SGCZ: variants seen among roughly 807,000 people sequenced by gnomAD.
SGCZ encodes the protein sarcoglycan zeta.
A neutral mutation model predicts 41.3 loss-of-function variants in SGCZ; 40 were observed. That is an observed-to-expected ratio of 0.97 (90% CI 0.75 to 1.26). SGCZ has a LOEUF of 1.26. Ranked by LOEUF, SGCZ falls within the 50% of genes most tolerant of loss-of-function variation. The pLI is 0.00. For synonymous variants in SGCZ, 206 were observed against 137.5 expected (o/e 1.50, Z -3.49); for missense variants, 552 against 369.8 (o/e 1.49, Z -4.04).
intron 1 of SGCZ, among the ~76,000 whole-genome samples, chr8:14,611,007 T>G (rs191746736): frequency 2.6e-5 from 4 of 152,300 alleles, no homozygotes; most frequent in Admixed American, 2.6e-4. Context: ...TGACTTAAAT[T>G]TATTTTTTCA....
chr8:14,738,412 A>C (rs2130267342), intron 1 of SGCZ, among the ~76,000 whole-genome samples: 1 of 152,254 alleles, frequency 6.6e-6, no homozygotes, highest in Non-Finnish European at 1.5e-5. Context: ...TTTAAAAAGT[A>C]AATGATATAA....
At chr8:14,314,274 T>C (rs1330400858) in intron 3 of SGCZ, among the ~76,000 whole-genome samples, 1 of 143,418 alleles carries the variant, frequency 7.0e-6, no homozygotes, top group Non-Finnish European at 1.6e-5. Flanking sequence ...GAGGGTCTTC[T>C]ATCATAGTAT....
rs145768724 is a variant in SGCZ, at chr8:14,363,517, CTTTCT to C, written c.235-39318_235-39314del. On this transcript the variant is annotated intron_variant, in intron 2 of 7. Coordinates refer to ENST00000382080, the MANE Select transcript of SGCZ (RefSeq NM_139167.4). Reference sequence around the variant, plus strand: ...AAGGGTATTTGCATCCAGATGGTATCTTTCTTTTCTTTTCTTCTTCTTTTTTTTTC... The same window carrying C: ...AAGGGTATTTGCATCCAGATGGTATCTTTCTTTTCTTCTTCTTTTTTTTTC... 7.1e-3 allele frequency among the ~76,000 whole-genome samples: 1,080 copies of C among 152,186 alleles called. 20 individuals are homozygous for C. Among genetic ancestry groups the C allele is most frequent in the African/African-American group, 0.025 (1,036 of 41,512 alleles).
intron 2 of SGCZ, among the ~76,000 whole-genome samples, chr8:14,542,413 A>T (rs937729992): frequency 6.6e-6 from 1 of 152,140 alleles, no homozygotes; most frequent in African/African-American, 2.4e-5. Flanking sequence ...TCTTTTATTC[A>T]CTAATGACTA....
At position 14,134,073 on chromosome 8, in the gene SGCZ, C is replaced by T. The variant is rs141711379; in HGVS notation, c.548-25838G>A. Among the ~76,000 whole-genome samples the T allele has an allele frequency of 5.6e-3, 846 of 152,264 alleles. 6 individuals carry two copies. The highest frequency in any genetic ancestry group is 0.019 in the African/African-American group (805 of 41,548). On this transcript the variant is annotated intron_variant, in intron 5 of 7. Transcript: ENST00000382080. ...TATGATGTATAAAAATGTTATTTCA[C>T]ATGTGTGAGGTACAGCTACAGGTTA...
intron 2 of SGCZ, among the ~76,000 whole-genome samples, chr8:14,433,839 A>G (rs1444232869): frequency 6.6e-6 from 1 of 152,192 alleles, no homozygotes; most frequent in South Asian, 2.1e-4. Context: ...CACTGGATTC[A>G]TCAAATGAAT....
chr8:14,471,075 T>C (rs980025992), intron 2 of SGCZ, among the ~76,000 whole-genome samples: 1 of 152,166 alleles, frequency 6.6e-6, no homozygotes, highest in African/African-American at 2.4e-5. Flanking sequence ...CCAGACACTT[T>C]AATTACATCT....
intron 2 of SGCZ, among the ~76,000 whole-genome samples, chr8:14,334,422 T>C (rs1476706840): frequency 6.6e-6 from 1 of 152,106 alleles, no homozygotes; most frequent in East Asian, 1.9e-4. Context: ...TGCACCTAGT[T>C]AGCTACTCAT....
chr8:15,115,586 T>C (rs373877983), intron 1 of SGCZ, among the ~76,000 whole-genome samples: 104 of 152,320 alleles, frequency 6.8e-4, no homozygotes, highest in Non-Finnish European at 1.3e-3. Flanking sequence ...TCAAGACAAA[T>C]ATGGGCTGTA....
chr8:15,206,281 T>C (rs1410701695), intron 1 of SGCZ, among the ~76,000 whole-genome samples: 4 of 152,176 alleles, frequency 2.6e-5, no homozygotes, highest in Non-Finnish European at 2.9e-5. Flanking sequence ...ATGAGATCCA[T>C]ATTACAGGCT....
At chr8:14,712,887 T>G (rs1337576512) in intron 1 of SGCZ, among the ~76,000 whole-genome samples, 1 of 151,954 alleles carries the variant, frequency 6.6e-6, no homozygotes, top group Non-Finnish European at 1.5e-5. Flanking sequence ...TTTTGGCAAT[T>G]CCAAAATGTG....
At chr8:14,864,029 C>T (rs1351261797) in intron 1 of SGCZ, among the ~76,000 whole-genome samples, 1 of 152,154 alleles carries the variant, frequency 6.6e-6, no homozygotes, top group Non-Finnish European at 1.5e-5. Flanking sequence ...GCGACCTTCT[C>T]TTTGACCTCA....
intron 1 of SGCZ, among the ~76,000 whole-genome samples, chr8:15,157,479 A>C (rs984578966): frequency 8.0e-5 from 12 of 150,350 alleles, no homozygotes; most frequent in African/African-American, 3.0e-4. Flanking sequence ...AAAAAAATAA[A>C]AAGAACAACA....
intron 1 of SGCZ, among the ~76,000 whole-genome samples, chr8:15,053,271 T>C (rs1249830984): frequency 6.6e-6 from 1 of 152,140 alleles, no homozygotes; most frequent in East Asian, 1.9e-4. Flanking sequence ...CTCATAATTG[T>C]GAATTTTCAC....
At chr8:14,955,558 T>A (rs1187652580) in intron 1 of SGCZ, among the ~76,000 whole-genome samples, 1 of 152,222 alleles carries the variant, frequency 6.6e-6, no homozygotes, top group African/African-American at 2.4e-5. Flanking sequence ...TTGTTACCGA[T>A]ACATGGTGTT....
intron 1 of SGCZ, among the ~76,000 whole-genome samples, chr8:14,807,102 G>C (rs944605354): frequency 3.3e-5 from 5 of 151,824 alleles, no homozygotes; most frequent in Admixed American, 1.3e-4. Context: ...AGCTATCTAT[G>C]ACAAACCCAC....
chr8:14,374,692 G>A (rs1041798873), intron 2 of SGCZ, among the ~76,000 whole-genome samples: 9 of 152,144 alleles, frequency 5.9e-5, no homozygotes, highest in Non-Finnish European at 1.3e-4. Context: ...TCATTGGCTT[G>A]GGAGTAGAGG....
At chr8:14,249,236 T>C (rs1288031072) in intron 3 of SGCZ, among the ~76,000 whole-genome samples, 1 of 152,094 alleles carries the variant, frequency 6.6e-6, no homozygotes, top group Non-Finnish European at 1.5e-5. Context: ...GGGACATGAG[T>C]CTTCTCTTGC....
At chr8:14,406,663 T>A (rs1182834841) in intron 2 of SGCZ, among the ~76,000 whole-genome samples, 1 of 152,092 alleles carries the variant, frequency 6.6e-6, no homozygotes, top group Non-Finnish European at 1.5e-5. Context: ...ATTAGACACA[T>A]GCCATGTCAG....
Sources: gnomAD v4.1 joint callset for allele counts (sites outside exome capture counted in the v4.1 genomes callset) on GRCh38, gnomAD v4.1.1 for gene constraint, MANE v1.5 for transcripts, NCBI Gene and HGNC (gene_info 2026-07-23, HGNC 2026-07-21) for gene names.